HMBOX1: variants seen among roughly 807,000 people sequenced by gnomAD.
HMBOX1 encodes homeobox containing 1, also known as homeobox-containing protein 1.
A neutral mutation model predicts 54.5 loss-of-function variants in HMBOX1; 14 were observed. The ratio of observed to expected loss-of-function variants is 0.26; its 90% confidence interval spans 0.17 to 0.40. The LOEUF (loss-of-function observed/expected upper bound fraction) is 0.40, where lower values mean the gene tolerates loss of function less well. HMBOX1 is among the 10% of genes least tolerant of loss of function. The probability of loss-of-function intolerance (pLI) is 1.00; values close to 1 mark genes in which losing one functional copy is unlikely to be tolerated. For missense variants in HMBOX1, 332 were observed against 514.4 expected, an observed-to-expected ratio of 0.65 and a Z score of 3.43; for synonymous variants, 160 against 181.0, an observed-to-expected ratio of 0.88 and a Z score of 0.93.
intron 1 of HMBOX1, among the ~76,000 whole-genome samples, chr8:28,950,093 A>C (rs185631053): frequency 1.3e-5 from 2 of 152,376 alleles, no homozygotes; most frequent in African/African-American, 2.4e-5. Flanking sequence ...TATTTCATCA[A>C]GTATTCAGCT....
At chr8:28,900,271 A>AAATATATATAT (rs747317282) in intron 1 of HMBOX1, among the ~76,000 whole-genome samples, 81 of 70,338 alleles carry the variant, frequency 1.2e-3, no homozygotes, top group Non-Finnish European at 1.4e-3. Context: ...AAAAAAAAAA[A>AAATATATATAT]ATATATATAT....
At chr8:29,037,964 A>G (rs1468085100) in intron 6 of HMBOX1, among the ~76,000 whole-genome samples, 1 of 152,180 alleles carries the variant, frequency 6.6e-6, no homozygotes, top group Non-Finnish European at 1.5e-5. Flanking sequence ...CAATCCTAAA[A>G]CCTTATTTTG....
At chr8:28,980,002 T>G in intron 3 of HMBOX1, 69 bp from the exon 4 acceptor site, 1 of 1,192,282 alleles carries the variant, frequency 8.4e-7, no homozygotes, top group South Asian at 1.2e-5. Flanking sequence ...TGCTTCACCT[T>G]TCTTTTAGCA....
intron 1 of HMBOX1, among the ~76,000 whole-genome samples, chr8:28,931,385 G>T (rs150532442): frequency 2.0e-5 from 3 of 152,324 alleles, no homozygotes; most frequent in African/African-American, 7.2e-5. Context: ...GGTTGTACTA[G>T]AGAAGACCAT....
intron 1 of HMBOX1, among the ~76,000 whole-genome samples, chr8:28,918,214 T>C (rs1297970283): frequency 6.6e-6 from 1 of 152,224 alleles, no homozygotes; most frequent in Admixed American, 6.5e-5. Context: ...TTTTTATTTT[T>C]ATTTTTTGAG....
At chr8:28,901,084 G>C (rs1813158306) in intron 1 of HMBOX1, among the ~76,000 whole-genome samples, 1 of 152,120 alleles carries the variant, frequency 6.6e-6, no homozygotes, top group Admixed American at 6.5e-5. Flanking sequence ...GGATTCTTGT[G>C]AGTATATGAT....
intron 1 of HMBOX1, among the ~76,000 whole-genome samples, chr8:28,919,874 A>G (rs373339116): frequency 3.3e-5 from 5 of 152,340 alleles, no homozygotes; most frequent in East Asian, 3.8e-4. Context: ...TGTAAAATGA[A>G]TACTCAAGAG....
intron 6 of HMBOX1, among the ~76,000 whole-genome samples, chr8:29,026,563 A>C (rs1802079529): frequency 6.6e-6 from 1 of 152,206 alleles, no homozygotes; most frequent in Non-Finnish European, 1.5e-5. Flanking sequence ...TATTCAGTGC[A>C]CTGTTAGAAG....
At chr8:28,935,402 C>CTCTA (rs1376875433) in intron 1 of HMBOX1, among the ~76,000 whole-genome samples, 1 of 152,120 alleles carries the variant, frequency 6.6e-6, no homozygotes, top group Non-Finnish European at 1.5e-5. Flanking sequence ...ACTGGAAAGA[C>CTCTA]TTTTGTTTAT....
At chr8:29,043,830 T>TG (rs1805185532) in intron 6 of HMBOX1, among the ~76,000 whole-genome samples, 1 of 152,080 alleles carries the variant, frequency 6.6e-6, no homozygotes, top group African/African-American at 2.4e-5. Context: ...AATGTGAAAG[T>TG]GAAGCAATTA....
chr8:28,971,642 G>A lies in HMBOX1; in HGVS notation c.500+1123G>A, dbSNP rs78663179. Among the ~76,000 whole-genome samples the A allele has an allele frequency of 1.0e-3, 158 of 152,242 alleles. 8 individuals are homozygous for A. In the East Asian group the frequency reaches 0.029, roughly 28 times the overall value. On this transcript the variant is annotated intron_variant, in intron 3 of 9. Transcript: ENST00000287701. ...GAATAGTAAAGGGTAAGAAAGGCAA[G>A]GCATGTCTTCAGTCTGATAAAAATT...
intron 1 of HMBOX1, among the ~76,000 whole-genome samples, chr8:28,910,207 G>A (rs1815150199): frequency 6.6e-6 from 1 of 152,188 alleles, no homozygotes; most frequent in Non-Finnish European, 1.5e-5. Flanking sequence ...TTGACTAAGT[G>A]TAATGTTTTT....
chr8:29,022,593 A>G (rs1801358364), intron 6 of HMBOX1, among the ~76,000 whole-genome samples: 2 of 152,210 alleles, frequency 1.3e-5, no homozygotes, highest in African/African-American at 2.4e-5. Flanking sequence ...GTGGAGTACT[A>G]TGCAGCTAAA....
chr8:29,044,355 C>A (rs1308966718), intron 6 of HMBOX1, among the ~76,000 whole-genome samples: 1 of 152,102 alleles, frequency 6.6e-6, no homozygotes, highest in Admixed American at 6.6e-5. Flanking sequence ...TGAAAGTTCT[C>A]CTTTTCTTTT....
intron 3 of HMBOX1, among the ~76,000 whole-genome samples, chr8:28,978,357 T>C (rs886261114): frequency 6.6e-6 from 1 of 152,226 alleles, no homozygotes; most frequent in Non-Finnish European, 1.5e-5. Context: ...GAGTTTGTGC[T>C]TCTTTCACAA....
intron 1 of HMBOX1, among the ~76,000 whole-genome samples, chr8:28,956,288 A>T (rs1219216058): frequency 6.6e-6 from 1 of 151,048 alleles, no homozygotes; most frequent in Non-Finnish European, 1.5e-5. Context: ...CTTTCTCTAC[A>T]TGTCATGTTT....
At chr8:28,931,842 A>G (rs1201118456) in intron 1 of HMBOX1, among the ~76,000 whole-genome samples, 4 of 152,208 alleles carry the variant, frequency 2.6e-5, no homozygotes, top group African/African-American at 9.6e-5. Context: ...CACCCAGCCA[A>G]TACCTTATCT....
At chr8:28,916,289 G>A (rs1335499432) in intron 1 of HMBOX1, among the ~76,000 whole-genome samples, 1 of 152,198 alleles carries the variant, frequency 6.6e-6, no homozygotes. Context: ...GATCATCCAT[G>A]ATTCCTGCCA....
At chr8:29,014,602 T>C (rs1303343443) in intron 5 of HMBOX1, among the ~76,000 whole-genome samples, 1 of 152,174 alleles carries the variant, frequency 6.6e-6, no homozygotes, top group Non-Finnish European at 1.5e-5. Flanking sequence ...TAATGTAACA[T>C]TATGTTTTAA....
Sources: gnomAD v4.1 joint callset for allele counts (sites outside exome capture counted in the v4.1 genomes callset) on GRCh38, gnomAD v4.1.1 for gene constraint, MANE v1.5 for transcripts, NCBI Gene and HGNC (gene_info 2026-07-23, HGNC 2026-07-21) for gene names.